Variants in TRNT1 observed in about 807,000 individuals in gnomAD.
TRNT1 encodes CCA tRNA nucleotidyltransferase 1, mitochondrial.
Under a neutral mutation model 45.6 loss-of-function variants are expected in TRNT1, and 44 were observed. The ratio of observed to expected loss-of-function variants is 0.97; its 90% CI spans 0.76 to 1.24. TRNT1 has a LOEUF of 1.24. Among genes scored for constraint, TRNT1 ranks in the 50% most tolerant of loss-of-function variants. TRNT1 has a pLI of 0.00. For synonymous variants in TRNT1, 201 were observed against 171.4 expected (o/e 1.17, Z -1.35); for missense variants, 633 against 504.4 (o/e 1.25, Z -2.44).
intron 3 of TRNT1, among the ~76,000 whole-genome samples, chr3:3,139,608 T>C (rs1317432272): frequency 6.6e-6 from 1 of 152,160 alleles, no homozygotes; most frequent in Non-Finnish European, 1.5e-5. Context: ...CACACCTGCA[T>C]GTACAAACCC....
chr3:3,128,909 G>A, intron 1 of TRNT1, 105 bp from the exon 2 acceptor site: 1 of 865,368 alleles, frequency 1.2e-6, no homozygotes, highest in Non-Finnish European at 1.8e-6. Context: ...ATCTGAACAA[G>A]AGATGAATTT....
chr3:3,151,398 T>C (rs1414505271), downstream of TRNT1, among the ~76,000 whole-genome samples: 3 of 152,184 alleles, frequency 2.0e-5, no homozygotes, highest in African/African-American at 4.8e-5. Flanking sequence ...CTTTGTTGTA[T>C]TGCAGTCAAG....
intron 5 of TRNT1, chr3:3,145,662 A>G (rs1466248047): frequency 6.6e-6 from 1 of 152,148 alleles, no homozygotes; most frequent in African/African-American, 2.4e-5. Context: ...TTCATTTTTC[A>G]CTGGTTGGGA....
At chr3:3,144,508 G>A (rs1310250776) in intron 4 of TRNT1, 76 bp from the exon 5 acceptor site, 19 of 1,395,998 alleles carry the variant, frequency 1.4e-5, no homozygotes, top group Admixed American at 4.1e-5. Context: ...TTGTGATAGT[G>A]TTTAGCTGAT....
chr3:3,152,445 CATA>C (rs1166031319), downstream of TRNT1: 1 of 1,612,692 alleles, frequency 6.2e-7, no homozygotes, highest in Non-Finnish European at 8.5e-7. Context: ...CAACCACCAC[CATA>C]ATATTACCCA....
rs776413533 is a variant in TRNT1, at chr3:3,129,107, C to CTGAAG, written c.67_68insTGAAG (p.Pro23LeufsTer10). 89 of 1,614,136 alleles carry CTGAAG rather than the reference C, an allele frequency of 5.5e-5. No individual in the cohort carries two copies. The highest frequency in any genetic ancestry group is 7.5e-5 in the Non-Finnish European group (88 of 1,179,998). On this transcript the variant is annotated frameshift_variant, in exon 2 of 8. Coordinates refer to ENST00000251607, the MANE Select transcript of TRNT1 (RefSeq NM_182916.3). LOFTEE classifies it high-confidence loss of function. ...CCGTAGGTGGAGTAGGCTGTGCCTT[C>CTGAAG]CGAAGCAGTATCTATTCACAATGAA...
intron 2 of TRNT1, chr3:3,130,083 T>C (rs1412292407): frequency 9.9e-7 from 1 of 1,010,646 alleles, no homozygotes; most frequent in East Asian, 2.6e-5. Flanking sequence ...CTCAATGTTG[T>C]CTGCTGATGT....
At chr3:3,152,419 A>C, downstream of TRNT1, 1 of 1,588,526 alleles carries the variant, frequency 6.3e-7, no homozygotes, top group Non-Finnish European at 8.5e-7. Flanking sequence ...TTAAGGTAAA[A>C]AAAGAAAAAA....
intron 4 of TRNT1, among the ~76,000 whole-genome samples, chr3:3,143,409 C>T (rs1388770490): frequency 1.3e-5 from 2 of 152,210 alleles, no homozygotes; most frequent in East Asian, 1.9e-4. Context: ...TGTTTATTAC[C>T]ATTTTTGTGA....
intron 6 of TRNT1, 87 bp from the exon 7 acceptor site, chr3:3,147,363 T>C: frequency 6.8e-7 from 1 of 1,461,282 alleles, no homozygotes; most frequent in South Asian, 1.3e-5. Flanking sequence ...AAAGCATTTC[T>C]GGATACTAAA....
chr3:3,129,895 C>T lies in TRNT1; in HGVS notation c.148+707C>T, dbSNP rs77047955. ...TTGATTTCAGAGCCCAGCTTGCAAC[C>T]GCTAAGCTCTGTTTCCTTCCTAGGT... On this transcript the variant is annotated intron_variant, in intron 2 of 7. Transcript: ENST00000251607. The T allele has an allele frequency of 3.4e-4, 534 of 1,550,564 alleles. 3 individuals carry two copies. In the Middle Eastern group the frequency reaches 7.7e-3, roughly 22 times the overall value.
intron 4 of TRNT1, 84 bp from the exon 5 acceptor site, chr3:3,144,500 G>A: frequency 7.6e-7 from 1 of 1,319,520 alleles, no homozygotes; most frequent in Non-Finnish European, 1.1e-6. Context: ...TTTACTGTTT[G>A]TGATAGTGTT....
At chr3:3,139,905 G>A (rs936900155) in intron 3 of TRNT1, among the ~76,000 whole-genome samples, 3 of 152,124 alleles carry the variant, frequency 2.0e-5, no homozygotes, top group Middle Eastern at 3.4e-3. Context: ...TTTTTTGTAT[G>A]TTTGGTAGAG....
intron 2 of TRNT1, chr3:3,130,047 T>A (rs1199370410): frequency 1.5e-6 from 2 of 1,293,376 alleles, no homozygotes; most frequent in African/African-American, 2.9e-5. Flanking sequence ...CTTCTTGCTG[T>A]TGCCACAGTT....
intron 2 of TRNT1, chr3:3,129,857 G>A (rs1287294741): frequency 9.0e-6 from 14 of 1,550,174 alleles, no homozygotes; most frequent in African/African-American, 1.4e-5. Context: ...GCTAGGTTTC[G>A]AACTTACGCA....
chr3:3,149,560 T>C (rs951393941), downstream of TRNT1: 1 of 152,090 alleles, frequency 6.6e-6, no homozygotes, highest in Non-Finnish European at 1.5e-5. Flanking sequence ...ACTATGCTAC[T>C]GACAGGAACT....
At chr3:3,137,209 A>G (rs1356102294) in intron 2 of TRNT1, 51 bp from the exon 3 acceptor site, 1 of 1,443,054 alleles carries the variant, frequency 6.9e-7, no homozygotes, top group Non-Finnish European at 9.3e-7. Flanking sequence ...TAAAATAAAC[A>G]CATTGAAATA....
At chr3:3,138,170 G>A (rs1410627709) in intron 3 of TRNT1, among the ~76,000 whole-genome samples, 1 of 152,120 alleles carries the variant, frequency 6.6e-6, no homozygotes, top group Non-Finnish European at 1.5e-5. Flanking sequence ...GGTCCCATGT[G>A]CTGTTCTCTC....
Position 3,129,640 on chromosome 3 carries a change from T to A in TRNT1, c.148+452T>A, listed in dbSNP as rs981137749. 1.0e-4 allele frequency: 59 copies of A among 566,616 alleles called. 1 individual carries two copies. In the South Asian group the frequency reaches 1.1e-3, roughly 11 times the overall value. 35.1% of individuals were successfully genotyped at this position (566,616 alleles called of 1,614,324 possible). ...CTTACATATGGCTGATCCAAAAATA[T>A]AGCTAAATCACTGGAAAAGGCAAGA... On this transcript the variant is annotated intron_variant, in intron 2 of 7. Coordinates refer to ENST00000251607, the MANE Select transcript of TRNT1 (RefSeq NM_182916.3).
Sources: allele counts gnomAD v4.1 joint callset (sites outside exome capture counted in the v4.1 genomes callset), GRCh38; gene constraint gnomAD v4.1.1; transcripts MANE v1.5; gene names NCBI Gene and HGNC (gene_info 2026-07-23, HGNC 2026-07-21).